The following UTS2B variants were observed in gnomAD, a reference collection of about 807,000 sequenced individuals.
The protein encoded by UTS2B is urotensin 2B.
Under a neutral mutation model 19.2 loss-of-function variants are expected in UTS2B, and 21 were observed. That is an observed-to-expected ratio of 1.09 (90% CI 0.78 to 1.58). The LOEUF is 1.58. Ranked by LOEUF, UTS2B falls within the 40% of genes most tolerant of loss-of-function variation. UTS2B has a pLI of 0.00. For synonymous variants in UTS2B, 57 were observed against 50.2 expected, an observed-to-expected ratio of 1.14 and a Z score of -0.58; for missense variants, 138 against 130.3, an observed-to-expected ratio of 1.06 and a Z score of -0.29.
At chr3:191,292,925 C>A (rs1056835776) in intron 4 of UTS2B, among the ~76,000 whole-genome samples, 1 of 151,666 alleles carries the variant, frequency 6.6e-6, no homozygotes, top group African/African-American at 2.4e-5. Flanking sequence ...AATAAAATTC[C>A]CCCAGGAGGC....
intron 6 of UTS2B, 95 bp from the exon 7 acceptor site, chr3:191,276,939 A>C (rs1329236663): frequency 8.9e-7 from 1 of 1,125,630 alleles, no homozygotes; most frequent in East Asian, 2.5e-5. Context: ...TAGAAAGCAT[A>C]GGTCTTTTTC....
At position 191,329,942 on chromosome 3, in the gene UTS2B, TGGGG is replaced by T. The variant is rs34226642; in HGVS notation, c.-665+468_-665+471del. ...GCCCGTTTTTTCTCAAGGGGGTGGT[TGGGG>T]GGGGGGGGGGCTAGCAGCAGCCCCA... is the stretch of plus-strand genomic sequence containing the variant. On this transcript the variant is annotated intron_variant, in intron 1 of 8. Coordinates refer to ENST00000340524, the MANE Select transcript of UTS2B (RefSeq NM_198152.5). Among the ~76,000 whole-genome samples the T allele has an allele frequency of 1.1e-3, 116 of 102,958 alleles. 1 individual carries two copies. Among genetic ancestry groups the T allele is most frequent in the African/African-American group, 3.3e-3 (111 of 33,284 alleles). 67.5% of individuals were successfully genotyped at this position (102,958 alleles called of 152,430 possible). A position where few individuals can be genotyped will look rare whatever the true frequency, so the allele number is the denominator to read the frequency against.
At chr3:191,330,000 G>T (rs966362073) in intron 1 of UTS2B, among the ~76,000 whole-genome samples, 4 of 151,282 alleles carry the variant, frequency 2.6e-5, no homozygotes, top group African/African-American at 9.7e-5. Context: ...CCGTGTTCTC[G>T]TGCATCGCAA....
intron 2 of UTS2B, among the ~76,000 whole-genome samples, chr3:191,318,543 A>G (rs1310492201): frequency 1.3e-5 from 2 of 152,188 alleles, no homozygotes; most frequent in Non-Finnish European, 2.9e-5. Context: ...ATCTCAGCTC[A>G]CTGCAACCTC....
At chr3:191,303,800 C>A (rs1430065225) in intron 4 of UTS2B, among the ~76,000 whole-genome samples, 1 of 152,124 alleles carries the variant, frequency 6.6e-6, no homozygotes, top group South Asian at 2.1e-4. Context: ...CAGTTGTCTG[C>A]GGAGTATCAC....
chr3:191,343,552 T>G, the UTS2B span, among the ~76,000 whole-genome samples: 6 of 152,252 alleles, frequency 3.9e-5, no homozygotes. Context: ...AAGTGCTTCC[T>G]TTTTACTCAT....
chr3:191,300,224 AT>A (rs1716959765), intron 4 of UTS2B, among the ~76,000 whole-genome samples: 1 of 151,394 alleles, frequency 6.6e-6, no homozygotes, highest in Admixed American at 6.6e-5. Flanking sequence ...TAATTTTTGT[AT>A]TTTTAGTAGA....
intron 2 of UTS2B, among the ~76,000 whole-genome samples, chr3:191,323,652 A>G (rs757363216): frequency 2.6e-5 from 4 of 152,172 alleles, no homozygotes; most frequent in Non-Finnish European, 5.9e-5. Flanking sequence ...TGGAAGTAGA[A>G]AAGAGGAAGA....
chr3:191,319,185 T>G (rs537384235), intron 2 of UTS2B, among the ~76,000 whole-genome samples: 7 of 152,318 alleles, frequency 4.6e-5, no homozygotes, highest in African/African-American at 1.7e-4. Flanking sequence ...TATCCCTAGA[T>G]ATGCAAACTG....
chr3:191,308,606 C>T (rs899935967), intron 3 of UTS2B, among the ~76,000 whole-genome samples: 2 of 152,030 alleles, frequency 1.3e-5, no homozygotes, highest in Admixed American at 1.3e-4. Context: ...TTTGTTGTTC[C>T]CCTGGCCTCT....
rs552535074 is a variant in UTS2B at position 191,317,048 on chromosome 3, C to G, written c.-585-609G>C. ...CCCTTGGGCGGTCAATGGGACGTGG[C>G]GCCTTGGAGCAGGGGGTGGTGCCCG... On this transcript the variant is annotated intron_variant, in intron 2 of 8. Transcript: ENST00000340524. Among the ~76,000 whole-genome samples the G allele has an allele frequency of 7.2e-5, 11 of 152,364 alleles. No individual in the cohort carries two copies. The East Asian group carries it at 2.1e-3, about 29-fold the overall frequency.
In UTS2B at chr3:191,270,208, T is replaced by C. The variant is rs780580836; in HGVS notation, c.335-1767A>G. On this transcript the variant is annotated intron_variant, in intron 8 of 8. Transcript: ENST00000340524. Reference sequence around the variant, plus strand: ...TATGGCAACAGCACTGCACTTCATGTATAACGTGGATTATGTTCAGCTTTG... The same window carrying C: ...TATGGCAACAGCACTGCACTTCATGCATAACGTGGATTATGTTCAGCTTTG... 2.0e-5 allele frequency among the ~76,000 whole-genome samples: 3 copies of C among 152,220 alleles called. No individual in the cohort carries two copies. The East Asian group carries it at 5.8e-4, about 29-fold the overall frequency.
rs1388905503 is a variant in UTS2B at position 191,275,259 on chromosome 3, G to A, written c.327C>T (p.Ser109=). 6.2e-7 allele frequency: 1 copy of A among 1,603,076 alleles called. No homozygotes were observed. Among genetic ancestry groups the A allele is most frequent in the East Asian group, 2.2e-5 (1 of 44,570 alleles). The change falls in exon 8 of 9, where the codon AGC becomes AGT. Residue 109 remains serine (S), a synonymous_variant. Transcript: ENST00000340524. ...CTTGAAATGAAAGCTTACCTCGTTT[G>A]CTAGGATGAGAAGAGAATAGACCAT... ...AVDGLFSSHP[S]KRACFWKYCV
intron 3 of UTS2B, among the ~76,000 whole-genome samples, chr3:191,314,063 G>A (rs1297434378): frequency 2.6e-5 from 4 of 152,112 alleles, no homozygotes. Flanking sequence ...ACCCTTCTCT[G>A]TAATGGAGTA....
At position 191,278,053 on chromosome 3, in the gene UTS2B, G is replaced by A. The variant is rs755502719; in HGVS notation, c.202+19C>T. 3.8e-6 allele frequency: 5 copies of A among 1,317,884 alleles called. No homozygotes were observed. Among genetic ancestry groups the A allele is most frequent in the Non-Finnish European group, 5.2e-6 (5 of 961,646 alleles). The allele number at this position is 1,317,884 out of a possible 1,614,324, so 81.6% of individuals were successfully genotyped here. ...TGTTATTTTTTAATAAATAGAGCTTGACTTTATGTTTAACTCACCAGTGTT... is the reference window on the plus strand; with the variant it reads ...TGTTATTTTTTAATAAATAGAGCTTAACTTTATGTTTAACTCACCAGTGTT... On this transcript the variant is annotated intron_variant, in intron 6 of 8. Coordinates refer to ENST00000340524, the MANE Select transcript of UTS2B (RefSeq NM_198152.5).
intron 8 of UTS2B, among the ~76,000 whole-genome samples, chr3:191,270,227 A>G (rs1716050270): frequency 6.6e-6 from 1 of 152,156 alleles, no homozygotes; most frequent in Non-Finnish European, 1.5e-5. Flanking sequence ...GATTATGTTC[A>G]GCTTTGTCAC....
chr3:191,269,292 T>C (rs778032322), intron 8 of UTS2B, among the ~76,000 whole-genome samples: 5 of 152,074 alleles, frequency 3.3e-5, no homozygotes, highest in Admixed American at 6.6e-5. Context: ...CTTGCCCAGG[T>C]TTTCCTCCCC....
At chr3:191,276,027 T>C (rs1485777557) in intron 7 of UTS2B, among the ~76,000 whole-genome samples, 1 of 152,206 alleles carries the variant, frequency 6.6e-6, no homozygotes, top group Non-Finnish European at 1.5e-5. Context: ...TTCAAGGAGC[T>C]ACAAATTATT....
chr3:191,271,897 A>G (rs1716104484), intron 8 of UTS2B, among the ~76,000 whole-genome samples: 1 of 152,194 alleles, frequency 6.6e-6, no homozygotes. Context: ...GGCATAACAA[A>G]CCCAAAATAT....
Sources: allele counts gnomAD v4.1 joint callset (sites outside exome capture counted in the v4.1 genomes callset), GRCh38; gene constraint gnomAD v4.1.1; transcripts MANE v1.5; gene names NCBI Gene and HGNC (gene_info 2026-07-23, HGNC 2026-07-21).